The following CNTN5 variants were observed in gnomAD, a reference collection of about 807,000 sequenced individuals.
The protein encoded by CNTN5 is contactin-5.
In CNTN5, 77 loss-of-function variants were observed where a neutral mutation model predicts 129.1. The ratio of observed to expected loss-of-function variants is 0.60; its 90% CI spans 0.50 to 0.72. The LOEUF is 0.72. Among genes scored for constraint, CNTN5 ranks in the 30% least tolerant of loss-of-function variants. CNTN5 has a pLI of 0.00. For missense variants in CNTN5, 1,478 were observed against 1,328.8 expected (o/e 1.11, Z -1.75); for synonymous variants, 509 against 465.6 (o/e 1.09, Z -1.20).
At chr11:100,091,413 TTTTA>T (rs989388983) in intron 13 of CNTN5, among the ~76,000 whole-genome samples, 2 of 146,790 alleles carry the variant, frequency 1.4e-5, no homozygotes, top group African/African-American at 2.5e-5. Context: ...TTGGTTTATT[TTTTA>T]TTTATTCTTT....
At chr11:100,162,553 A>G (rs1393035783) in intron 13 of CNTN5, among the ~76,000 whole-genome samples, 1 of 151,806 alleles carries the variant, frequency 6.6e-6, no homozygotes, top group Non-Finnish European at 1.5e-5. Flanking sequence ...CCTCCAAGAT[A>G]TTGTCTAGTA....
chr11:100,215,637 T>C (rs1478237703), intron 15 of CNTN5, among the ~76,000 whole-genome samples: 1 of 152,138 alleles, frequency 6.6e-6, no homozygotes, highest in Admixed American at 6.6e-5. Flanking sequence ...TTAGTCACTA[T>C]AATGGAAACA....
intron 4 of CNTN5, among the ~76,000 whole-genome samples, chr11:99,829,357 G>A (rs1269988412): frequency 6.6e-6 from 1 of 152,182 alleles, no homozygotes; most frequent in African/African-American, 2.4e-5. Flanking sequence ...ATACTAGGCA[G>A]AGAATTCACA....
At chr11:100,169,544 G>A (rs1051267736) in intron 13 of CNTN5, among the ~76,000 whole-genome samples, 9 of 151,966 alleles carry the variant, frequency 5.9e-5, no homozygotes, top group Admixed American at 3.3e-4. Context: ...CTCAGATTAC[G>A]GTTAGCGTTT....
intron 3 of CNTN5, among the ~76,000 whole-genome samples, chr11:99,657,959 T>C (rs1952441474): frequency 6.6e-6 from 1 of 152,158 alleles, no homozygotes; most frequent in Non-Finnish European, 1.5e-5. Flanking sequence ...GATACTATGT[T>C]TGTAAATGCA....
intron 1 of CNTN5, among the ~76,000 whole-genome samples, chr11:99,285,790 C>A (rs949044406): frequency 6.6e-6 from 1 of 152,018 alleles, no homozygotes; most frequent in African/African-American, 2.4e-5. Flanking sequence ...GTAATCCCAG[C>A]ACTTTGGGAG....
intron 1 of CNTN5, among the ~76,000 whole-genome samples, chr11:99,273,521 C>A (rs946004491): frequency 1.3e-5 from 2 of 151,660 alleles, no homozygotes; most frequent in Admixed American, 6.6e-5. Context: ...TTAGTGAAAG[C>A]CGATCGGAAT....
chr11:100,339,889 T>G (rs967055141), intron 21 of CNTN5, among the ~76,000 whole-genome samples: 2 of 152,178 alleles, frequency 1.3e-5, no homozygotes, highest in African/African-American at 4.8e-5. Flanking sequence ...AAAAGGGCTT[T>G]GACAGAAAGC....
intron 1 of CNTN5, among the ~76,000 whole-genome samples, chr11:99,044,903 G>C (rs1864146265): frequency 1.3e-5 from 2 of 152,104 alleles, no homozygotes; most frequent in African/African-American, 4.8e-5. Flanking sequence ...AGTTGCCTGA[G>C]TACAAAACCC....
chr11:99,547,057 G>A (rs1948320209), intron 2 of CNTN5, among the ~76,000 whole-genome samples: 1 of 144,954 alleles, frequency 6.9e-6, no homozygotes, highest in African/African-American at 2.6e-5. Flanking sequence ...AGGCTGGAGT[G>A]CAACGGCACG....
rs771786370 is a variant in CNTN5, at chr11:99,835,300, G to A, written c.278-9552G>A. Among the ~76,000 whole-genome samples, 60 of 152,180 alleles carry A rather than the reference G, an allele frequency of 3.9e-4. 1 individual carries two copies. The highest frequency in any genetic ancestry group is 2.5e-4 in the Non-Finnish European group (17 of 68,022). On this transcript the variant is annotated intron_variant, in intron 4 of 24. Transcript: ENST00000524871. Reference sequence around the variant, plus strand: ...ATGAAAACAGCCTGAGTGAAAAAAGGAATGAATGACTTGGATTTTTAACTG... The same window carrying A: ...ATGAAAACAGCCTGAGTGAAAAAAGAAATGAATGACTTGGATTTTTAACTG...
chr11:99,528,942 A>G (rs1175138681), intron 2 of CNTN5, among the ~76,000 whole-genome samples: 1 of 151,674 alleles, frequency 6.6e-6, no homozygotes, highest in Non-Finnish European at 1.5e-5. Context: ...GTGCATGCCC[A>G]TAATACCAGC....
intron 7 of CNTN5, among the ~76,000 whole-genome samples, chr11:99,922,322 G>A (rs1490189600): frequency 6.6e-5 from 10 of 152,132 alleles, no homozygotes; most frequent in African/African-American, 2.2e-4. Context: ...CCCACAACAC[G>A]TAGGGATTAT....
intron 9 of CNTN5, among the ~76,000 whole-genome samples, chr11:100,005,679 T>C (rs1940148240): frequency 6.6e-6 from 1 of 152,198 alleles, no homozygotes. Context: ...CTACTGCCTC[T>C]TAAGAAGGAT....
chr11:99,737,057 A>C (rs995766707), intron 3 of CNTN5, among the ~76,000 whole-genome samples: 1 of 152,128 alleles, frequency 6.6e-6, no homozygotes, highest in African/African-American at 2.4e-5. Context: ...GTTTCAGAAT[A>C]GTCTCCACGT....
rs542493091 is a variant in CNTN5 at position 99,355,932 on chromosome 11, T to C, written c.-71+30448T>C. ...AGCTCCGCCACTTGGGTTCATGCCA[T>C]TCTTCTGCCTCAGCCTCCCAAGTAG... On this transcript the variant is annotated intron_variant, in intron 2 of 24. Transcript: ENST00000524871. Among the ~76,000 whole-genome samples the C allele has an allele frequency of 4.6e-5, 7 of 151,382 alleles. No homozygotes were observed. The East Asian group carries it at 1.4e-3, about 30-fold the overall frequency.
At chr11:99,796,485 C>G (rs995126341) in intron 3 of CNTN5, among the ~76,000 whole-genome samples, 3 of 152,038 alleles carry the variant, frequency 2.0e-5, no homozygotes, top group Admixed American at 1.3e-4. Flanking sequence ...TGGTGCACTT[C>G]ACAAATGGCT....
chr11:99,860,546 C>T (rs1948172781), intron 6 of CNTN5, among the ~76,000 whole-genome samples: 1 of 152,162 alleles, frequency 6.6e-6, no homozygotes, highest in South Asian at 2.1e-4. Flanking sequence ...ATCCCAGCAT[C>T]ATTTATTGGT....
At chr11:99,483,660 A>G (rs1945692980) in intron 2 of CNTN5, among the ~76,000 whole-genome samples, 1 of 151,794 alleles carries the variant, frequency 6.6e-6, no homozygotes, top group Non-Finnish European at 1.5e-5. Flanking sequence ...GTCTCCTGAC[A>G]CTTCTGGTTG....
Sources: allele counts gnomAD v4.1 joint callset (sites outside exome capture counted in the v4.1 genomes callset), GRCh38; gene constraint gnomAD v4.1.1; transcripts MANE v1.5; gene names NCBI Gene and HGNC (gene_info 2026-07-23, HGNC 2026-07-21).